GSK3B: variants seen among roughly 807,000 people sequenced by gnomAD.
GSK3B encodes the protein glycogen synthase kinase 3 beta.
A neutral mutation model predicts 56.4 loss-of-function variants in GSK3B; 15 were observed. The observed-to-expected ratio is 0.27, with a 90% CI of 0.18 to 0.41. GSK3B has a LOEUF of 0.41. Ranked by LOEUF, GSK3B falls within the 10% of genes least tolerant of loss-of-function variation. The pLI, the probability that GSK3B is intolerant of heterozygous loss-of-function variation, is 1.00. For synonymous variants in GSK3B, 181 were observed against 188.9 expected (o/e 0.96, Z 0.34); for missense variants, 300 against 513.4 (o/e 0.58, Z 4.02).
chr3:119,862,791 A>G (rs1446850628), intron 9 of GSK3B, among the ~76,000 whole-genome samples: 1 of 151,856 alleles, frequency 6.6e-6, no homozygotes, highest in African/African-American at 2.4e-5. Flanking sequence ...CAAGGAGAAA[A>G]GAAAACTGAA....
chr3:119,962,964 G>A (rs1257874920), intron 2 of GSK3B, among the ~76,000 whole-genome samples: 3 of 152,162 alleles, frequency 2.0e-5, no homozygotes, highest in Non-Finnish European at 4.4e-5. Flanking sequence ...CTGGCCTGGT[G>A]CTCATCTGTT....
intron 7 of GSK3B, among the ~76,000 whole-genome samples, chr3:119,895,115 C>T (rs1415125844): frequency 6.6e-6 from 1 of 152,116 alleles, no homozygotes; most frequent in Non-Finnish European, 1.5e-5. Context: ...AAACACTATT[C>T]TTCTCTCTCC....
chr3:119,965,813 A>C (rs2057313820), intron 2 of GSK3B, among the ~76,000 whole-genome samples: 1 of 151,802 alleles, frequency 6.6e-6, no homozygotes, highest in Non-Finnish European at 1.5e-5. Flanking sequence ...AATTTAAAAA[A>C]ATTTTAAAGG....
intron 7 of GSK3B, among the ~76,000 whole-genome samples, chr3:119,889,836 A>C (rs937079415): frequency 6.6e-6 from 1 of 152,288 alleles, no homozygotes; most frequent in African/African-American, 2.4e-5. Flanking sequence ...GTAAAAGTAA[A>C]AGAATGCAAG....
chr3:120,057,521 T>C (rs1170185290), intron 1 of GSK3B, among the ~76,000 whole-genome samples: 2 of 152,208 alleles, frequency 1.3e-5, no homozygotes, highest in Admixed American at 6.5e-5. Flanking sequence ...AAGAGGATAC[T>C]GAATATATTA....
chr3:119,965,038 CT>C (rs573903125), intron 2 of GSK3B, among the ~76,000 whole-genome samples: 47,171 of 125,628 alleles, frequency 0.38, 8,900 homozygotes, highest in African/African-American at 0.56. Context: ...ATTATGTTTT[CT>C]TTTTTTTTTT....
rs140256974 is a variant in GSK3B, at chr3:120,080,392, A to C, written c.88+12955T>G. ...ACGACGACACTCTTTCCTCTAATTA[A>C]AAAAAAAAGAAGTTGTATTATTTAG... is the stretch of plus-strand genomic sequence containing the variant. On this transcript the variant is annotated intron_variant, in intron 1 of 10. Transcript: ENST00000264235. Among the ~76,000 whole-genome samples, 109 of 150,910 alleles carry C rather than the reference A, an allele frequency of 7.2e-4. 1 individual carries two copies. The East Asian group carries it at 0.019, about 26-fold the overall frequency.
chr3:119,990,814 G>A (rs2057557609), intron 2 of GSK3B, among the ~76,000 whole-genome samples: 1 of 152,196 alleles, frequency 6.6e-6, no homozygotes. Flanking sequence ...TGCAAGCCCA[G>A]CTACTTGGGA....
At chr3:119,980,011 A>C (rs1284137324) in intron 2 of GSK3B, among the ~76,000 whole-genome samples, 2 of 152,150 alleles carry the variant, frequency 1.3e-5, no homozygotes, top group Non-Finnish European at 2.9e-5. Context: ...CGTTATAGCT[A>C]CTGAATCTTC....
intron 3 of GSK3B, among the ~76,000 whole-genome samples, chr3:119,936,293 T>C (rs560503270): frequency 2.7e-4 from 40 of 148,024 alleles, no homozygotes; most frequent in African/African-American, 9.3e-4. Context: ...AGGTTATATA[T>C]ATAAATAACA....
At chr3:119,981,501 A>G (rs571796638) in intron 2 of GSK3B, among the ~76,000 whole-genome samples, 2 of 152,368 alleles carry the variant, frequency 1.3e-5, no homozygotes, top group South Asian at 4.1e-4. Flanking sequence ...CAAATACTGC[A>G]CTTTTCCCAA....
intron 1 of GSK3B, among the ~76,000 whole-genome samples, chr3:120,042,917 C>T (rs2058075164): frequency 6.6e-6 from 1 of 152,216 alleles, no homozygotes; most frequent in Non-Finnish European, 1.5e-5. Flanking sequence ...CAAAAAGATA[C>T]AGGCCTTTCC....
chr3:120,030,362 T>C (rs187338375), intron 1 of GSK3B, among the ~76,000 whole-genome samples: 1 of 152,344 alleles, frequency 6.6e-6, no homozygotes, highest in African/African-American at 2.4e-5. Context: ...TGTATTTCTG[T>C]AGACCAGACT....
rs368693848 is a variant in GSK3B, at chr3:119,826,809, T to C, written c.1242A>G (p.Ala414=). The stretch of plus-strand genomic sequence containing the variant: ...CTGTTCAGGTGGAGTTGGAAGCTGA[T>C]GCAGAAGCAGCATTATTGGTCTGTC... ...DRGQTNNAAS[A]SASNST Residue 414 remains alanine (A), a synonymous_variant, in exon 11 of 11, where the codon GCA becomes GCG. Coordinates refer to ENST00000264235, the MANE Select transcript of GSK3B (RefSeq NM_001146156.2). 4 of 1,613,096 alleles carry C rather than the reference T, an allele frequency of 2.5e-6. No individual in the cohort carries two copies. The highest frequency in any genetic ancestry group is 1.1e-5 in the South Asian group (1 of 91,062).
intron 7 of GSK3B, among the ~76,000 whole-genome samples, chr3:119,883,465 A>T (rs1382464409): frequency 1.3e-5 from 2 of 152,148 alleles, no homozygotes; most frequent in African/African-American, 2.4e-5. Context: ...AGGAAACTAG[A>T]TGAGAGATTT....
intron 2 of GSK3B, among the ~76,000 whole-genome samples, chr3:119,981,722 C>CA (rs1408474216): frequency 6.6e-6 from 1 of 152,202 alleles, no homozygotes; most frequent in Non-Finnish European, 1.5e-5. Flanking sequence ...CACCACAGCT[C>CA]AACAACACCT....
chr3:120,070,884 G>A (rs995175396), intron 1 of GSK3B, among the ~76,000 whole-genome samples: 4 of 152,170 alleles, frequency 2.6e-5, no homozygotes, highest in African/African-American at 7.2e-5. Context: ...GATCCATTCC[G>A]AGTTCTGCCT....
At chr3:120,024,516 C>T (rs1005878132) in intron 1 of GSK3B, among the ~76,000 whole-genome samples, 31 of 152,124 alleles carry the variant, frequency 2.0e-4, no homozygotes, top group Non-Finnish European at 2.9e-5. Flanking sequence ...AGTTAACATA[C>T]GTACACATAT....
intron 7 of GSK3B, among the ~76,000 whole-genome samples, chr3:119,889,300 T>C (rs2108063017): frequency 6.6e-6 from 1 of 152,216 alleles, no homozygotes; most frequent in East Asian, 1.9e-4. Context: ...CAGCCGACAC[T>C]CATGGAAAAT....
Sources: allele counts gnomAD v4.1 joint callset (sites outside exome capture counted in the v4.1 genomes callset), GRCh38; gene constraint gnomAD v4.1.1; transcripts MANE v1.5; gene names NCBI Gene and HGNC (gene_info 2026-07-23, HGNC 2026-07-21).